CPEB3: variants seen among roughly 807,000 people sequenced by gnomAD.
CPEB3 encodes the protein cytoplasmic polyadenylation element-binding protein 3.
Under a neutral mutation model 67.2 loss-of-function variants are expected in CPEB3, and 20 were observed. The observed-to-expected ratio is 0.30, with a 90% CI of 0.21 to 0.43. The LOEUF is 0.43. Among genes scored for constraint, CPEB3 ranks in the 20% least tolerant of loss-of-function variants. The pLI is 1.00. For synonymous variants in CPEB3, 376 were observed against 393.1 expected (o/e 0.96, Z 0.51); for missense variants, 746 against 968.6 (o/e 0.77, Z 3.05).
intron 2 of CPEB3, among the ~76,000 whole-genome samples, chr10:92,198,054 C>T (rs565507824): frequency 1.3e-5 from 2 of 152,064 alleles, no homozygotes; most frequent in African/African-American, 2.4e-5. Flanking sequence ...TGCAGTGAGC[C>T]GAGATCACGC....
intron 5 of CPEB3, 102 bp from the exon 6 acceptor site, chr10:92,143,220 G>C (rs1846522979): frequency 3.5e-6 from 3 of 861,302 alleles, no homozygotes; most frequent in African/African-American, 1.7e-5. Flanking sequence ...AAAATGTTTT[G>C]AGGGTTGTTT....
At chr10:92,187,215 G>A (rs1030882491) in intron 3 of CPEB3, among the ~76,000 whole-genome samples, 2 of 152,044 alleles carry the variant, frequency 1.3e-5, no homozygotes, top group Non-Finnish European at 2.9e-5. Flanking sequence ...ACACCAAAGG[G>A]GTGGCATTAT....
intron 2 of CPEB3, among the ~76,000 whole-genome samples, chr10:92,195,781 A>G (rs1849213006): frequency 6.6e-6 from 1 of 152,204 alleles, no homozygotes; most frequent in Non-Finnish European, 1.5e-5. Context: ...ATAACAATAT[A>G]CCCATTTTAC....
chr10:92,258,628 ATATATAT>A lies in CPEB3; in HGVS notation c.-11-18274_-11-18268del, dbSNP rs1233188531. Among the ~76,000 whole-genome samples the A allele has an allele frequency of 5.0e-3, 424 of 84,154 alleles. 34 individuals are homozygous for A. Among genetic ancestry groups the A allele is most frequent in the African/African-American group, 0.017 (300 of 17,924 alleles). 55.2% of individuals were successfully genotyped at this position (84,154 alleles called of 152,430 possible). On this transcript the variant is annotated intron_variant, in intron 1 of 9. Coordinates refer to ENST00000265997, the MANE Select transcript of CPEB3 (RefSeq NM_014912.5). ...CAGACTTCAATTATATTTTTTGAATATATATATATATATATATATATATATATATATA... is the reference window on the plus strand; with the variant it reads ...CAGACTTCAATTATATTTTTTGAATAATATATATATATATATATATATATA...
intron 6 of CPEB3, among the ~76,000 whole-genome samples, chr10:92,123,298 G>T (rs56991961): frequency 6.6e-6 from 1 of 152,120 alleles, no homozygotes; most frequent in Non-Finnish European, 1.5e-5. Context: ...ACCTGACCAA[G>T]GAAACTGAGA....
intron 2 of CPEB3, among the ~76,000 whole-genome samples, chr10:92,234,173 AT>A (rs1044083941): frequency 8.6e-5 from 13 of 150,640 alleles, no homozygotes; most frequent in African/African-American, 2.2e-4. Flanking sequence ...GAATAATTTG[AT>A]TTTTTTTTCC....
At chr10:92,132,145 A>T (rs1845871935) in intron 6 of CPEB3, among the ~76,000 whole-genome samples, 2 of 152,222 alleles carry the variant, frequency 1.3e-5, no homozygotes, top group African/African-American at 4.8e-5. Context: ...AACTAGTCAC[A>T]TTTCAAGTGC....
intron 2 of CPEB3, among the ~76,000 whole-genome samples, chr10:92,212,982 G>C (rs1326072174): frequency 6.6e-6 from 1 of 152,094 alleles, no homozygotes; most frequent in Non-Finnish European, 1.5e-5. Context: ...AATTTAAAAT[G>C]ATCTATGTAG....
chr10:92,182,733 G>A (rs906909549), intron 3 of CPEB3, among the ~76,000 whole-genome samples: 1 of 151,700 alleles, frequency 6.6e-6, no homozygotes, highest in African/African-American at 2.4e-5. Flanking sequence ...GGCTGAGGCA[G>A]GAGAATCACT....
chr10:92,149,816 G>A (rs1188663286), intron 4 of CPEB3, among the ~76,000 whole-genome samples: 1 of 152,136 alleles, frequency 6.6e-6, no homozygotes, highest in African/African-American at 2.4e-5. Context: ...TGGGGGTCAG[G>A]CTTGAAAATC....
At chr10:92,201,801 A>G (rs1849539652) in intron 2 of CPEB3, among the ~76,000 whole-genome samples, 2 of 152,180 alleles carry the variant, frequency 1.3e-5, no homozygotes, top group Non-Finnish European at 2.9e-5. Context: ...TTCTTCTTCC[A>G]GGTATCAACT....
intron 3 of CPEB3, among the ~76,000 whole-genome samples, chr10:92,186,222 A>T (rs1174620479): frequency 7.2e-6 from 1 of 138,988 alleles, no homozygotes; most frequent in Non-Finnish European, 1.6e-5. Context: ...AAAAAAAAAA[A>T]TACAAAAAAA....
chr10:92,262,768 A>C (rs1244214516), intron 1 of CPEB3, among the ~76,000 whole-genome samples: 1 of 152,196 alleles, frequency 6.6e-6, no homozygotes, highest in East Asian at 1.9e-4. Context: ...AATAAAATGG[A>C]GATAATATTA....
chr10:92,210,749 T>A (rs535020017), intron 2 of CPEB3, among the ~76,000 whole-genome samples: 1 of 152,298 alleles, frequency 6.6e-6, no homozygotes, highest in African/African-American at 2.4e-5. Flanking sequence ...TTTAAAGCTA[T>A]AAATATGGCC....
chr10:92,188,115 G>C (rs929570379), intron 3 of CPEB3, among the ~76,000 whole-genome samples: 4 of 152,026 alleles, frequency 2.6e-5, no homozygotes, highest in Admixed American at 2.6e-4. Flanking sequence ...AAGACTGCTT[G>C]AGCCTGGGAG....
intron 4 of CPEB3, among the ~76,000 whole-genome samples, chr10:92,176,881 C>T (rs1848244224): frequency 6.6e-6 from 1 of 152,254 alleles, no homozygotes; most frequent in Non-Finnish European, 1.5e-5. Flanking sequence ...CCGCAAGCCA[C>T]ATGTGGCCCA....
intron 6 of CPEB3, among the ~76,000 whole-genome samples, chr10:92,122,417 T>G (rs550697880): frequency 8.5e-4 from 129 of 152,320 alleles, no homozygotes; most frequent in Admixed American, 4.9e-3. Context: ...AGCTCATCAA[T>G]CCCTGCCTGC....
chr10:92,160,690 T>C (rs989488234), intron 4 of CPEB3, among the ~76,000 whole-genome samples: 5 of 152,218 alleles, frequency 3.3e-5, no homozygotes, highest in Non-Finnish European at 5.9e-5. Context: ...ACAAATCTGA[T>C]TGCAATACTA....
At position 92,249,377 on chromosome 10, in the gene CPEB3, C is replaced by CAA. The variant is rs59237572; in HGVS notation, c.-11-9018_-11-9017dup. Among the ~76,000 whole-genome samples, 23 of 120,680 alleles carry CAA rather than the reference C, an allele frequency of 1.9e-4. No homozygotes were observed. The East Asian group carries it at 3.8e-3, about 20-fold the overall frequency. The allele number at this position is 120,680 out of a possible 152,430, so 79.2% of individuals were successfully genotyped here. On this transcript the variant is annotated intron_variant, in intron 1 of 9. Coordinates refer to ENST00000265997, the MANE Select transcript of CPEB3 (RefSeq NM_014912.5). ...CTGGTGACAGAGCGAGACTCCGTCTCAAAAAAAAAAAAAAAAATTATAGCA... is the reference window on the plus strand; with the variant it reads ...CTGGTGACAGAGCGAGACTCCGTCTCAAAAAAAAAAAAAAAAAAATTATAGCA...
Sources: gnomAD v4.1 joint callset for allele counts (sites outside exome capture counted in the v4.1 genomes callset) on GRCh38, gnomAD v4.1.1 for gene constraint, MANE v1.5 for transcripts, NCBI Gene and HGNC (gene_info 2026-07-23, HGNC 2026-07-21) for gene names.